Variants in RAG1 observed in about 807,000 individuals in gnomAD.
RAG1 encodes recombination activating 1, also known as V(D)J recombination-activating protein 1.
Under a neutral mutation model 62.7 loss-of-function variants are expected in RAG1, and 35 were observed. The observed-to-expected ratio is 0.56, with a 90% CI of 0.43 to 0.74. RAG1 has a LOEUF of 0.74. Ranked by LOEUF, RAG1 falls within the 30% of genes least tolerant of loss-of-function variation. The pLI is 0.00. For missense variants in RAG1, 1,169 were observed against 1,278.6 expected (o/e 0.91, Z 1.31); for synonymous variants, 461 against 470.3 (o/e 0.98, Z 0.26).
chr11:36,566,266 C>CA (rs2133285461), upstream of RAG1, among the ~76,000 whole-genome samples: 1 of 152,146 alleles, frequency 6.6e-6, no homozygotes, highest in East Asian at 1.9e-4. Context: ...GGCAACCAAC[C>CA]AACTCTGTTC....
At chr11:36,571,717 C>T (rs1269081852) in intron 1 of RAG1, among the ~76,000 whole-genome samples, 1 of 152,128 alleles carries the variant, frequency 6.6e-6, no homozygotes, top group African/African-American at 2.4e-5. Flanking sequence ...TGGGTTCAGG[C>T]AATTTTCCTG....
In RAG1 at chr11:36,575,919, T is replaced by A. The variant is rs749360497; in HGVS notation, c.2615T>A (p.Leu872Ter). ...GAGACTGTGGATGCAGTTTGTGAGT[T>A]AATTCCTTCCGAGGAGAGGCACGAG... ...TKETVDAVCE[L>*]IPSEERHEAL... The change falls in exon 2 of 2, where the codon TTA becomes TAA. Residue 872 changes from leucine to a stop codon, truncating the protein, a stop_gained. Transcript: ENST00000299440. LOFTEE classifies it high-confidence loss of function. This position sits in a 1 kb window ranked among gnomAD's most constrained non-coding sequence, Gnocchi z 4.1. The A allele has an allele frequency of 2.5e-5, 40 of 1,614,044 alleles. No homozygotes were observed. The highest frequency in any genetic ancestry group is 3.4e-5 in the Non-Finnish European group (40 of 1,180,054).
At chr11:36,511,854 T>C (rs1277081724) in intron 1 of RAG1, among the ~76,000 whole-genome samples, 1 of 152,186 alleles carries the variant, frequency 6.6e-6, no homozygotes. Flanking sequence ...TAGTGTGAGC[T>C]CTGGGGCAGG....
rs537107835 is a variant in RAG1 at position 36,579,645 on chromosome 11, A to C, written c.*3209A>C. Reference sequence around the variant, plus strand: ...GTTTCCATGTCAAATGTTTTCAAATAAAATGAAATATGAGTTTCAATACTT... The same window carrying C: ...GTTTCCATGTCAAATGTTTTCAAATCAAATGAAATATGAGTTTCAATACTT... On this transcript the variant is annotated 3_prime_UTR_variant, in exon 2 of 2. Transcript: ENST00000299440. 6.0e-6 allele frequency: 1 copy of C among 167,042 alleles called. No homozygotes were observed. The highest frequency in any genetic ancestry group is 2.1e-4 in the South Asian group (1 of 4,824). 10.3% of individuals were successfully genotyped at this position (167,042 alleles called of 1,614,324 possible).
chr11:36,547,307 A>G (rs1459685939), intron 3 of RAG1, among the ~76,000 whole-genome samples: 1 of 152,180 alleles, frequency 6.6e-6, no homozygotes, highest in African/African-American at 2.4e-5. Context: ...ATAGAGACAC[A>G]CAAACTCTAA....
At chr11:36,563,879 A>G (rs1051393384), upstream of RAG1, among the ~76,000 whole-genome samples, 2 of 152,164 alleles carry the variant, frequency 1.3e-5, no homozygotes, top group Non-Finnish European at 2.9e-5. Context: ...TTAGGCATTC[A>G]GGCCATTATG....
At chr11:36,518,447 A>G (rs926232885) in intron 1 of RAG1, among the ~76,000 whole-genome samples, 1 of 152,202 alleles carries the variant, frequency 6.6e-6, no homozygotes, top group Non-Finnish European at 1.5e-5. Flanking sequence ...ACTAGTTTAC[A>G]TTCCCACCAA....
intron 2 of RAG1, among the ~76,000 whole-genome samples, chr11:36,522,846 G>A (rs1012793008): frequency 6.6e-6 from 1 of 152,210 alleles, no homozygotes; most frequent in African/African-American, 2.4e-5. Context: ...TCATTTTGGA[G>A]CTTTAAGATT....
At chr11:36,571,975 G>GC (rs1321643942) in intron 1 of RAG1, among the ~76,000 whole-genome samples, 1 of 152,142 alleles carries the variant, frequency 6.6e-6, no homozygotes, top group Non-Finnish European at 1.5e-5. Flanking sequence ...CTTCAGTAAA[G>GC]CGGGGACTTG....
At chr11:36,514,507 T>C (rs577733540) in intron 1 of RAG1, among the ~76,000 whole-genome samples, 17 of 152,324 alleles carry the variant, frequency 1.1e-4, no homozygotes, top group Non-Finnish European at 1.6e-4. Context: ...TTGCGCACTT[T>C]ATTTCTATTA....
chr11:36,543,347 G>T (rs1416081337), intron 3 of RAG1, among the ~76,000 whole-genome samples: 4 of 152,196 alleles, frequency 2.6e-5, no homozygotes, highest in African/African-American at 4.8e-5. Flanking sequence ...CGGTATGCTT[G>T]CCTCATCCCT....
chr11:36,576,035 C>G lies in RAG1; in HGVS notation c.2731C>G (p.Gln911Glu). 6.2e-7 allele frequency: 1 copy of G among 1,614,124 alleles called. No individual in the cohort carries two copies. Residue 911 changes from glutamine to glutamate, a missense_variant, in exon 2 of 2, where the codon CAG (glutamine) becomes GAG (glutamate). Physicochemically the swap from Gln to Glu is conservative, Grantham distance 29. This residue lies in a region of RAG1 where 800 missense variants were observed against 943.3 expected (regional missense o/e 0.85). Coordinates refer to ENST00000299440, the MANE Select transcript of RAG1 (RefSeq NM_000448.3). ...PAKECPESLCQYSFNSQRFAE... is the reference protein window; with the variant it reads ...PAKECPESLCEYSFNSQRFAE... Reference sequence around the variant, plus strand: ...TAAAGAGTGCCCAGAATCCCTCTGCCAGTACAGTTTCAATTCACAGCGTTT... The same window carrying G: ...TAAAGAGTGCCCAGAATCCCTCTGCGAGTACAGTTTCAATTCACAGCGTTT...
rs1015361137 is a variant in RAG1 at position 36,576,545 on chromosome 11, A to G, written c.*109A>G. On this transcript the variant is annotated 3_prime_UTR_variant, in exon 2 of 2. Transcript: ENST00000299440. ...GCTGTGTATGGGGCTTCACCATCCA[A>G]GAGGTGGTAGGTTGGAGTAAGATGC... 14 of 1,341,802 alleles carry G rather than the reference A, an allele frequency of 1.0e-5. No homozygotes were observed. In the African/African-American group the frequency reaches 1.3e-4, roughly 12 times the overall value. 83.1% of individuals were successfully genotyped at this position (1,341,802 alleles called of 1,614,324 possible).
intron 3 of RAG1, among the ~76,000 whole-genome samples, chr11:36,549,979 G>A: frequency 3.3e-5 from 5 of 152,002 alleles, no homozygotes; most frequent in African/African-American, 1.2e-4. Context: ...CATAGATAAA[G>A]CTGGAAACCA....
At chr11:36,547,313 T>G (rs1850409420) in intron 3 of RAG1, among the ~76,000 whole-genome samples, 1 of 151,632 alleles carries the variant, frequency 6.6e-6, no homozygotes, top group Admixed American at 6.6e-5. Flanking sequence ...ACACACAAAC[T>G]CTAAAAAATC....
At chr11:36,537,392 T>C (rs1590674253), downstream of RAG1, among the ~76,000 whole-genome samples, 1 of 152,190 alleles carries the variant, frequency 6.6e-6, no homozygotes, top group South Asian at 2.1e-4. Context: ...GATGGTATCA[T>C]GGGTGTATAT....
intron 1 of RAG1, among the ~76,000 whole-genome samples, chr11:36,517,618 A>G (rs757532041): frequency 1.3e-5 from 2 of 152,152 alleles, no homozygotes; most frequent in South Asian, 2.1e-4. Context: ...GACTCCTGCA[A>G]TCTTTACCCA....
At chr11:36,529,526 C>G (rs2096206051) in intron 2 of RAG1, among the ~76,000 whole-genome samples, 1 of 152,172 alleles carries the variant, frequency 6.6e-6, no homozygotes, top group South Asian at 2.1e-4. Context: ...GACAAACTCA[C>G]AGCCAATATC....
At chr11:36,540,227 C>T (rs1389506116), downstream of RAG1, among the ~76,000 whole-genome samples, 1 of 152,088 alleles carries the variant, frequency 6.6e-6, no homozygotes, top group Non-Finnish European at 1.5e-5. Context: ...ACTGAAATTG[C>T]CTGCTGTAAT....
Sources: allele counts gnomAD v4.1 joint callset (sites outside exome capture counted in the v4.1 genomes callset), GRCh38; gene constraint gnomAD v4.1.1; regional missense constraint gnomAD v4.1.1; non-coding constraint Gnocchi (gnomAD v3.1); transcripts MANE v1.5; gene names NCBI Gene and HGNC (gene_info 2026-07-23, HGNC 2026-07-21).